XPO4: variants seen among roughly 807,000 people sequenced by gnomAD.
XPO4 encodes the protein exportin 4.
Under a neutral mutation model 143.0 loss-of-function variants are expected in XPO4, and 39 were observed. The observed-to-expected ratio is 0.27, with a 90% CI of 0.21 to 0.36. XPO4 has a LOEUF of 0.36. Among genes scored for constraint, XPO4 ranks in the 10% least tolerant of loss-of-function variants. XPO4 has a pLI of 1.00. For synonymous variants in XPO4, 439 were observed against 474.0 expected (o/e 0.93, Z 0.96); for missense variants, 907 against 1,348.0 (o/e 0.67, Z 5.12).
chr13:20,855,688 A>G lies in XPO4; in HGVS notation c.395T>C (p.Ile132Thr). 6.2e-7 allele frequency: 1 copy of G among 1,612,592 alleles called. No homozygotes were observed. The highest frequency in any genetic ancestry group is 8.5e-7 in the Non-Finnish European group (1 of 1,179,696). ...TTCATGAAAAATGCTTTTGCAGTCA[A>G]TTGATTTATCTAATGATCCTCTTTT... ...IVKRGSLDKS[I>T]DCKSIFHEVS... Residue 132 changes from isoleucine to threonine, a missense_variant, in exon 4 of 23, where the codon ATT becomes ACT. By Grantham distance (89) the Ile-to-Thr change is moderately conservative. Transcript: ENST00000255305.
chr13:20,789,012 A>G (rs2059242388), intron 19 of XPO4, among the ~76,000 whole-genome samples: 1 of 152,252 alleles, frequency 6.6e-6, no homozygotes. Flanking sequence ...GAAGGTTAAT[A>G]CAAATTGTTA....
chr13:20,800,312 A>T lies in XPO4; in HGVS notation c.1991T>A (p.Phe664Tyr), dbSNP rs1481173270. ...TGTATCTGCTCCGAACGCTGTACTG[A>T]ATGGCAGACTTATCTTAAGAGAGGA... ...EKLYDQISLP[F>Y]STAFGADTEG... The change falls in exon 15 of 23, where the codon TTC (phenylalanine) becomes TAC (tyrosine). Residue 664 changes from phenylalanine (F) to tyrosine (Y), a missense_variant. Transcript: ENST00000255305. The T allele has an allele frequency of 6.2e-7, 1 of 1,613,032 alleles. No individual in the cohort carries two copies. The highest frequency in any genetic ancestry group is 1.3e-5 in the African/African-American group (1 of 74,896).
rs145907145 is a variant in XPO4, at chr13:20,819,646, C to T, written c.1173+2058G>A. ...TCGCAGTCCAGCCTGGGCGACAGAG[C>T]GAGACTCCATCTCAAAAAAAAAAAG... On this transcript the variant is annotated intron_variant, in intron 9 of 22. Coordinates refer to ENST00000255305, the MANE Select transcript of XPO4 (RefSeq NM_022459.5). 8.3e-3 allele frequency among the ~76,000 whole-genome samples: 1,264 copies of T among 151,550 alleles called. 12 individuals carry two copies. The highest frequency in any genetic ancestry group is 0.028 in the African/African-American group (1,147 of 41,288).
At chr13:20,812,259 T>C (rs999392263) in intron 9 of XPO4, among the ~76,000 whole-genome samples, 1 of 152,044 alleles carries the variant, frequency 6.6e-6, no homozygotes, top group African/African-American at 2.4e-5. Flanking sequence ...TAATCCCAGC[T>C]ACTTGGGAGG....
intron 6 of XPO4, among the ~76,000 whole-genome samples, chr13:20,832,135 ATGGCCAGAGACAAACATAT>A (rs1156417996): frequency 1.3e-5 from 2 of 152,192 alleles, no homozygotes; most frequent in African/African-American, 4.8e-5. Context: ...CTGTAACTGC[ATGGCCAGAGACAAACATAT>A]ACCAGGCCAA....
chr13:20,900,422 G>C (rs368337905), intron 1 of XPO4, among the ~76,000 whole-genome samples: 116 of 152,108 alleles, frequency 7.6e-4, no homozygotes, highest in African/African-American at 2.8e-3. Context: ...CTACCTCACA[G>C]AGTTACTGGA....
intron 5 of XPO4, among the ~76,000 whole-genome samples, chr13:20,843,456 A>G (rs1476258486): frequency 6.6e-6 from 1 of 152,210 alleles, no homozygotes; most frequent in African/African-American, 2.4e-5. Flanking sequence ...GCATTCTTCC[A>G]GACCTATTTT....
chr13:20,873,025 A>T (rs1219649087), intron 1 of XPO4, among the ~76,000 whole-genome samples: 2 of 151,378 alleles, frequency 1.3e-5, no homozygotes, highest in Non-Finnish European at 2.9e-5. Flanking sequence ...CACTTCAGAG[A>T]TGGAATCCCA....
At chr13:20,872,031 T>C (rs887663225) in intron 1 of XPO4, among the ~76,000 whole-genome samples, 2 of 152,208 alleles carry the variant, frequency 1.3e-5, no homozygotes, top group East Asian at 1.9e-4. Context: ...GAAATCTACT[T>C]GGCAATGGTT....
chr13:20,840,213 T>C (rs969716788), intron 6 of XPO4, among the ~76,000 whole-genome samples: 2 of 151,958 alleles, frequency 1.3e-5, no homozygotes, highest in African/African-American at 4.8e-5. Context: ...TTTTATTTTA[T>C]TTTATTTTTA....
chr13:20,882,329 C>T (rs1335974724), intron 1 of XPO4, among the ~76,000 whole-genome samples: 1 of 152,112 alleles, frequency 6.6e-6, no homozygotes, highest in Non-Finnish European at 1.5e-5. Context: ...ATCTGCTCAG[C>T]TTCTGGTGAG....
In XPO4 at chr13:20,849,976, T is replaced by C. The variant is rs575455501; in HGVS notation, c.456+5651A>G. On this transcript the variant is annotated intron_variant, in intron 4 of 22. Transcript: ENST00000255305. ...TAAAAATTAGCCGGGCATAGTGGCA[T>C]GCGCCTGTAGTCCCAGCTACTCGGG... is the stretch of plus-strand genomic sequence containing the variant. 3.1e-5 allele frequency: 17 copies of C among 546,658 alleles called. No individual in the cohort carries two copies. In the African/African-American group the frequency reaches 3.3e-4, roughly 10 times the overall value. 33.9% of individuals were successfully genotyped at this position (546,658 alleles called of 1,614,324 possible).
intron 9 of XPO4, among the ~76,000 whole-genome samples, chr13:20,812,096 C>G (rs958065159): frequency 6.6e-6 from 1 of 152,134 alleles, no homozygotes; most frequent in Non-Finnish European, 1.5e-5. Flanking sequence ...AGGAGCCGGG[C>G]ATGGTGGCTC....
intron 6 of XPO4, among the ~76,000 whole-genome samples, chr13:20,839,383 G>A (rs1259891507): frequency 6.6e-6 from 1 of 152,192 alleles, no homozygotes; most frequent in Non-Finnish European, 1.5e-5. Flanking sequence ...TGGAAATGGA[G>A]ACTAACTGCT....
chr13:20,839,146 C>A (rs1207824693), intron 6 of XPO4, among the ~76,000 whole-genome samples: 1 of 152,058 alleles, frequency 6.6e-6, no homozygotes, highest in Non-Finnish European at 1.5e-5. Flanking sequence ...TGCCTATAGT[C>A]CCAGCTACTC....
chr13:20,880,832 C>T (rs1566623989), intron 1 of XPO4, among the ~76,000 whole-genome samples: 2 of 151,956 alleles, frequency 1.3e-5, no homozygotes, highest in African/African-American at 4.8e-5. Flanking sequence ...GTGGCTTGCA[C>T]CTGTAGTCCC....
At chr13:20,882,942 C>T (rs2138162450) in intron 1 of XPO4, among the ~76,000 whole-genome samples, 1 of 152,096 alleles carries the variant, frequency 6.6e-6, no homozygotes, top group East Asian at 1.9e-4. Flanking sequence ...CCATTCTCTG[C>T]TGTACTCAGA....
At chr13:20,895,025 A>G (rs2147349) in intron 1 of XPO4, among the ~76,000 whole-genome samples, 55,625 of 151,740 alleles carry the variant, frequency 0.37, 11,596 homozygotes, top group Non-Finnish European at 0.48. Context: ...TAAAAACACC[A>G]AAATTAGCCA....
chr13:20,852,948 G>A lies in XPO4; in HGVS notation c.456+2679C>T, dbSNP rs973550867. The stretch of plus-strand genomic sequence containing the variant: ...GGCTGACTTCATGGAAAATGCTTTT[G>A]CGGTCAATTGATTTATCTAAAGCTC... On this transcript the variant is annotated intron_variant, in intron 4 of 22. Transcript: ENST00000255305. 5.1e-5 allele frequency: 50 copies of A among 985,332 alleles called. No homozygotes were observed. The African/African-American group carries it at 8.4e-4, about 17-fold the overall frequency. 61.0% of individuals were successfully genotyped at this position (985,332 alleles called of 1,614,324 possible). A position where few individuals can be genotyped will look rare whatever the true frequency, so the allele number is the denominator to read the frequency against.
Sources: gnomAD v4.1 joint callset for allele counts (sites outside exome capture counted in the v4.1 genomes callset) on GRCh38, gnomAD v4.1.1 for gene constraint, MANE v1.5 for transcripts, NCBI Gene and HGNC (gene_info 2026-07-23, HGNC 2026-07-21) for gene names.